The following MTG2 variants were observed in gnomAD, a reference collection of about 807,000 sequenced individuals.
MTG2 encodes the protein mitochondrial ribosome associated GTPase 2.
In MTG2, 23 loss-of-function variants were observed where a neutral mutation model predicts 28.6. The observed-to-expected ratio is 0.80, with a 90% CI of 0.58 to 1.14. The LOEUF is 1.14. Among genes scored for constraint, MTG2 ranks in the 50% most tolerant of loss-of-function variants. The pLI, the probability that MTG2 is intolerant of heterozygous loss-of-function variation, is 0.00. For synonymous variants in MTG2, 260 were observed against 251.8 expected (o/e 1.03, Z -0.31); for missense variants, 539 against 552.0 (o/e 0.98, Z 0.24).
At chr20:62,193,375 A>T in intron 1 of MTG2, 41 bp from the exon 2 acceptor site, 1 of 1,596,232 alleles carries the variant, frequency 6.3e-7, no homozygotes. Context: ...CATGCCCAGC[A>T]TTAAACCAAG....
Position 62,201,124 on chromosome 20 carries a change from G to A in MTG2, c.*47G>A. ...TCTGGGCCTCTGTCTGAGCAAACCT[G>A]GGTGTGAATTCGGTGGTTTTGAATG... is the stretch of plus-strand genomic sequence containing the variant. On this transcript the variant is annotated 3_prime_UTR_variant, in exon 7 of 7. Transcript: ENST00000370823. 3 of 1,519,322 alleles carry A rather than the reference G, an allele frequency of 2.0e-6. No homozygotes were observed. Among genetic ancestry groups the A allele is most frequent in the Non-Finnish European group, 2.6e-6 (3 of 1,140,734 alleles). The allele number at this position is 1,519,322 out of a possible 1,614,324, so 94.1% of individuals were successfully genotyped here. A position where few individuals can be genotyped will look rare whatever the true frequency, so the allele number is the denominator to read the frequency against.
intron 2 of MTG2, chr20:62,193,836 C>T: frequency 1.7e-6 from 1 of 571,878 alleles, no homozygotes; most frequent in Non-Finnish European, 3.1e-6. Context: ...GGGAGAGGCG[C>T]TGCGTGCTTG....
intron 1 of MTG2, among the ~76,000 whole-genome samples, chr20:62,186,747 T>C (rs151163227): frequency 0.016 from 2,505 of 152,250 alleles, 77 homozygotes; most frequent in African/African-American, 0.058. Context: ...CACGCTGGTC[T>C]TGAACTCCTG....
chr20:62,184,092 C>A (rs191387928), intron 1 of MTG2, among the ~76,000 whole-genome samples: 3 of 152,242 alleles, frequency 2.0e-5, no homozygotes, highest in Non-Finnish European at 4.4e-5. Flanking sequence ...GGCGCGGTGG[C>A]TCACGCCTGT....
At chr20:62,194,290 C>T (rs560090250) in intron 2 of MTG2, among the ~76,000 whole-genome samples, 99 of 152,284 alleles carry the variant, frequency 6.5e-4, no homozygotes, top group African/African-American at 2.2e-3. Context: ...TGGAGGGGCT[C>T]CAGATAAGCA....
intron 1 of MTG2, among the ~76,000 whole-genome samples, chr20:62,190,871 A>G (rs1568783521): frequency 6.6e-6 from 1 of 152,222 alleles, no homozygotes; most frequent in East Asian, 1.9e-4. Context: ...ATATATTTAC[A>G]GGAAGGGTAT....
At chr20:62,191,897 T>C (rs1453623812) in intron 1 of MTG2, among the ~76,000 whole-genome samples, 1 of 152,238 alleles carries the variant, frequency 6.6e-6, no homozygotes, top group Non-Finnish European at 1.5e-5. Context: ...CCGGCTGTCA[T>C]GAGCGGCTTG....
rs777760321 is a variant in MTG2 at position 62,200,968 on chromosome 20, C to T, written c.1112C>T (p.Ser371Leu). The change falls in exon 7 of 7, where the codon TCG (serine) becomes TTG (leucine). Residue 371 changes from serine (S) to leucine (L), a missense_variant. By Grantham distance (145) the Ser-to-Leu change is moderately radical (BLOSUM62 -2). Transcript: ENST00000370823. The part of the protein sequence containing the change: ...DHLGQEVIVL[S>L]ALTGENLEQL... ...TTGGGACAGGAGGTCATCGTGCTGT[C>T]GGCGTTGACCGGCGAGAACCTGGAG... 15 of 1,613,830 alleles carry T rather than the reference C, an allele frequency of 9.3e-6. No homozygotes were observed. The highest frequency in any genetic ancestry group is 4.0e-5 in the African/African-American group (3 of 74,950).
At position 62,197,884 on chromosome 20, in the gene MTG2, CTG is replaced by C. The variant is rs748884084; in HGVS notation, c.387_388del (p.Ser130AlafsTer13). ...DQQVKSLSSV[L>X]SRYQGFSGED... ...GCAAGTCAAGTCCCTGTCGTCGGTC[CTG>C]TCGCGGTACCAGGGTTTCAGTGGAG... is the stretch of plus-strand genomic sequence containing the variant. On this transcript the variant is annotated frameshift_variant, in exon 4 of 7. Coordinates refer to ENST00000370823, the MANE Select transcript of MTG2 (RefSeq NM_015666.4). LOFTEE classifies it high-confidence loss of function. 25 of 1,614,090 alleles carry C rather than the reference CTG, an allele frequency of 1.5e-5. No homozygotes were observed. The highest frequency in any genetic ancestry group is 1.9e-5 in the Non-Finnish European group (23 of 1,180,038).
Position 62,200,882 on chromosome 20 carries a change from C to T in MTG2, c.1026C>T (p.Ile342=), listed in dbSNP as rs749452795. 3.7e-5 allele frequency: 59 copies of T among 1,614,038 alleles called. No individual in the cohort carries two copies. The highest frequency in any genetic ancestry group is 1.6e-4 in the Middle Eastern group (1 of 6,062). Reference sequence around the variant, plus strand: ...GCCTGTCTGCGAGGCCCCACGCAATCGTCGCAAACAAGATTGACCTCCCTG... The same window carrying T: ...GCCTGTCTGCGAGGCCCCACGCAATTGTCGCAAACAAGATTGACCTCCCTG... The part of the protein sequence containing the change: ...EKGLSARPHA[I]VANKIDLPEA... The change falls in exon 7 of 7, where the codon ATC becomes ATT. Residue 342 remains isoleucine (I), a synonymous_variant. Transcript: ENST00000370823.
chr20:62,201,219 A>G lies in MTG2; in HGVS notation c.*142A>G, dbSNP rs2184161. On this transcript the variant is annotated 3_prime_UTR_variant, in exon 7 of 7. Transcript: ENST00000370823. Reference sequence around the variant, plus strand: ...TCTCTGGGCCCCGCCTGCTGGCCTGAGATGCCCTCATGTTGGGAAGCATTC... The same window carrying G: ...TCTCTGGGCCCCGCCTGCTGGCCTGGGATGCCCTCATGTTGGGAAGCATTC... 590,179 of 1,056,052 alleles carry G rather than the reference A, an allele frequency of 0.56. 170,219 individuals are homozygous for G. The highest frequency in any genetic ancestry group is 0.9 in the East Asian group (34,425 of 38,226). The allele number at this position is 1,056,052 out of a possible 1,614,324, so 65.4% of individuals were successfully genotyped here. A position where few individuals can be genotyped will look rare whatever the true frequency, so the allele number is the denominator to read the frequency against.
At chr20:62,197,740 A>G (rs887692354) in intron 3 of MTG2, 112 bp from the exon 4 acceptor site, 1 of 772,276 alleles carries the variant, frequency 1.3e-6, no homozygotes, top group African/African-American at 1.7e-5. Context: ...CTGCACCCTC[A>G]CTCCATGCTT....
rs1389044791 is a variant in MTG2, at chr20:62,199,204, C to A, written c.773C>A (p.Thr258Asn). The A allele has an allele frequency of 6.2e-7, 1 of 1,614,232 alleles. No homozygotes were observed. The highest frequency in any genetic ancestry group is 2.2e-5 in the East Asian group (1 of 44,888). The part of the protein sequence containing the change: ...RPAVASYPFT[T>N]LKPHVGIVHY... ...GCCGTGGCTTCCTACCCGTTCACCA[C>A]CCTGAAGCCCCACGTCGGGATCGTC... Residue 258 changes from threonine (T) to asparagine (N), a missense_variant, in exon 6 of 7, where the codon ACC becomes AAC. Thr to Asn is a moderately conservative substitution (Grantham distance 65, BLOSUM62 0). Coordinates refer to ENST00000370823, the MANE Select transcript of MTG2 (RefSeq NM_015666.4).
At chr20:62,185,452 C>T (rs1379498227) in intron 1 of MTG2, among the ~76,000 whole-genome samples, 2 of 151,506 alleles carry the variant, frequency 1.3e-5, no homozygotes. Flanking sequence ...AATATATACA[C>T]ATACATATAT....
chr20:62,193,360 T>TGTTTCATGCCCAGCATTAAACCAA, intron 1 of MTG2, 56 bp from the exon 2 acceptor site: 1 of 1,543,198 alleles, frequency 6.5e-7, no homozygotes, highest in Non-Finnish European at 8.9e-7. Context: ...CTTCAGTTTC[T>TGTTTCATGCCCAGCATTAAACCAA]GTTTCATGCC....
intron 1 of MTG2, among the ~76,000 whole-genome samples, chr20:62,192,740 A>G (rs940490882): frequency 2.0e-5 from 3 of 152,136 alleles, no homozygotes; most frequent in Admixed American, 6.5e-5. Flanking sequence ...AGGCACCCCT[A>G]TCGCCCCTGT....
chr20:62,198,069 C>A, intron 4 of MTG2, 102 bp downstream of exon 4: 1 of 890,600 alleles, frequency 1.1e-6, no homozygotes, highest in Non-Finnish European at 1.8e-6. Context: ...GCTTGATGCC[C>A]ACAGCTAGGA....
intron 2 of MTG2, among the ~76,000 whole-genome samples, chr20:62,195,111 G>A (rs1020569016): frequency 2.6e-5 from 4 of 152,148 alleles, no homozygotes; most frequent in Non-Finnish European, 5.9e-5. Context: ...CAGGAGAATG[G>A]CATGAACCTG....
At chr20:62,196,808 C>T (rs940012641) in intron 3 of MTG2, among the ~76,000 whole-genome samples, 1 of 151,664 alleles carries the variant, frequency 6.6e-6, no homozygotes, top group Non-Finnish European at 1.5e-5. Flanking sequence ...GCGGGTGGAT[C>T]GCTTAAGGTC....
Sources: gnomAD v4.1 joint callset for allele counts (sites outside exome capture counted in the v4.1 genomes callset) on GRCh38, gnomAD v4.1.1 for gene constraint, MANE v1.5 for transcripts, NCBI Gene and HGNC (gene_info 2026-07-23, HGNC 2026-07-21) for gene names.